NFATC1: variants seen among roughly 807,000 people sequenced by gnomAD.
The protein encoded by NFATC1 is nuclear factor of activated T-cells, cytoplasmic 1.
Under a neutral mutation model 76.0 loss-of-function variants are expected in NFATC1, and 22 were observed. That is an observed-to-expected ratio of 0.29 (90% CI 0.21 to 0.41). The LOEUF is 0.41. NFATC1 is among the 10% of genes least tolerant of loss of function. The pLI, the probability that NFATC1 is intolerant of heterozygous loss-of-function variation, is 1.00. For missense variants in NFATC1, 1,357 were observed against 1,337.7 expected, an observed-to-expected ratio of 1.01 and a Z score of -0.23; for synonymous variants, 704 against 613.1, an observed-to-expected ratio of 1.15 and a Z score of -2.19.
intron 3 of NFATC1, among the ~76,000 whole-genome samples, chr18:79,438,694 T>A (rs1324930808): frequency 6.6e-6 from 1 of 152,126 alleles, no homozygotes; most frequent in Non-Finnish European, 1.5e-5. Context: ...TGGTCTGGGA[T>A]CCTGCCTCAG....
At chr18:79,509,974 C>T (rs531599008) in intron 9 of NFATC1, among the ~76,000 whole-genome samples, 3 of 152,374 alleles carry the variant, frequency 2.0e-5, no homozygotes, top group African/African-American at 4.8e-5. Flanking sequence ...CATAAAGCCT[C>T]GTTGATCTTT....
chr18:79,458,355 T>C (rs546878595), intron 6 of NFATC1, among the ~76,000 whole-genome samples: 15 of 149,520 alleles, frequency 1.0e-4, no homozygotes, highest in South Asian at 8.5e-4. Context: ...GGAGACGCCG[T>C]GGGGAGCAGG....
In NFATC1 at chr18:79,486,257, T is replaced by A; in HGVS notation, c.2102T>A (p.Ile701Lys). 6.3e-7 allele frequency: 1 copy of A among 1,597,484 alleles called. No individual in the cohort carries two copies. Among genetic ancestry groups the A allele is most frequent in the Non-Finnish European group, 8.6e-7 (1 of 1,169,166 alleles). ...FTYLPANVPI[I>K]KTEPTDDYEP... ...TTTTTCCTTCTCACAGTTCCAATTA[T>A]AAAAACAGAACCCACTGATGATTAT... Residue 701 changes from isoleucine (I) to lysine (K), a missense_variant, in exon 9 of 10, where the codon ATA becomes AAA. By Grantham distance (102) the Ile-to-Lys change is moderately radical. This residue lies in a region of NFATC1 where 424 missense variants were observed against 395.4 expected (regional missense o/e 1.07). Coordinates refer to ENST00000427363, the MANE Select transcript of NFATC1 (RefSeq NM_001278669.2).
At position 79,451,734 on chromosome 18, in the gene NFATC1, G is replaced by A. The variant is rs752901617; in HGVS notation, c.1821G>A (p.Pro607=). The change falls in exon 6 of 10, where the codon CCG becomes CCA. Residue 607 remains proline (P), a synonymous_variant. Coordinates refer to ENST00000427363, the MANE Select transcript of NFATC1 (RefSeq NM_001278669.2). ...LVEKQSTDSY[P]VVGGKKMVLS... ...AGAAGCAGAGCACGGACAGCTATCC[G>A]GTCGTGGGCGGGAAGAAGATGGTCC... 27 of 1,613,064 alleles carry A rather than the reference G, an allele frequency of 1.7e-5. No individual in the cohort carries two copies. Among genetic ancestry groups the A allele is most frequent in the East Asian group, 4.5e-5 (2 of 44,800 alleles).
chr18:79,528,129 C>T lies in NFATC1; in HGVS notation c.*552C>T, dbSNP rs1020485310. ...ATTTGGAACGTTTCCTGGGCTGTCA[C>T]GTACACTCCTGCTGCCTTACACAGT... is the stretch of plus-strand genomic sequence containing the variant. On this transcript the variant is annotated 3_prime_UTR_variant, in exon 10 of 10. Transcript: ENST00000427363. 6 of 396,940 alleles carry T rather than the reference C, an allele frequency of 1.5e-5. No individual in the cohort carries two copies. Among genetic ancestry groups the T allele is most frequent in the Admixed American group, 8.7e-5 (2 of 23,098 alleles). 24.6% of individuals were successfully genotyped at this position (396,940 alleles called of 1,614,324 possible).
In NFATC1 at chr18:79,411,345, T is replaced by C; in HGVS notation, c.1070T>C (p.Leu357Pro). 1 of 1,596,042 alleles carries C rather than the reference T, an allele frequency of 6.3e-7. No homozygotes were observed. The highest frequency in any genetic ancestry group is 8.5e-7 in the Non-Finnish European group (1 of 1,173,144). ...AAGGTGGAGCCCGTCGGGGAGGACC[T>C]GGGCAGCCCCCCGCCCCCGGCCGAC... ...ALKVEPVGED[L>P]GSPPPPADFA... The change falls in exon 2 of 10, where the codon CTG becomes CCG. Residue 357 changes from leucine (L) to proline (P), a missense_variant. Physicochemically the swap from Leu to Pro is moderately conservative, Grantham distance 98. This residue lies in a region of NFATC1 where 691 missense variants were observed against 613.1 expected (regional missense o/e 1.13). Coordinates refer to ENST00000427363, the MANE Select transcript of NFATC1 (RefSeq NM_001278669.2).
At chr18:79,397,354 G>A (rs992608532) in intron 1 of NFATC1, among the ~76,000 whole-genome samples, 1 of 152,234 alleles carries the variant, frequency 6.6e-6, no homozygotes, top group African/African-American at 2.4e-5. Context: ...TACTTCATAA[G>A]GGCAGACGTC....
intron 3 of NFATC1, among the ~76,000 whole-genome samples, chr18:79,446,301 C>G (rs946092625): frequency 6.6e-6 from 1 of 152,302 alleles, no homozygotes. Context: ...GCATTCCACA[C>G]ACCATCAGAG....
In NFATC1 at chr18:79,448,778, C is replaced by A; in HGVS notation, c.1387-4C>A. 6.2e-7 allele frequency: 1 copy of A among 1,612,706 alleles called. No individual in the cohort carries two copies. The highest frequency in any genetic ancestry group is 8.5e-7 in the Non-Finnish European group (1 of 1,179,350). On this transcript the variant is annotated splice_polypyrimidine_tract_variant and splice_region_variant and intron_variant, in intron 3 of 9. Transcript: ENST00000427363. ...TGAGCAGGTGTTTTCTGTTCTCTCGCCAGCTGCATGGCTACTTGGAGAATG... is the reference window on the plus strand; with the variant it reads ...TGAGCAGGTGTTTTCTGTTCTCTCGACAGCTGCATGGCTACTTGGAGAATG...
intron 1 of NFATC1, among the ~76,000 whole-genome samples, chr18:79,403,073 T>C (rs1225790385): frequency 6.6e-6 from 1 of 152,248 alleles, no homozygotes; most frequent in African/African-American, 2.4e-5. Context: ...GAAGGGGCTG[T>C]ACGTCCTGGC....
chr18:79,481,530 C>T (rs114760400), intron 8 of NFATC1, among the ~76,000 whole-genome samples: 202 of 152,370 alleles, frequency 1.3e-3, no homozygotes, highest in African/African-American at 4.6e-3. Flanking sequence ...CATCTGTGAA[C>T]CCTCAGCTGA....
intron 8 of NFATC1, among the ~76,000 whole-genome samples, chr18:79,485,903 A>T (rs1259857923): frequency 6.6e-6 from 1 of 152,248 alleles, no homozygotes; most frequent in Non-Finnish European, 1.5e-5. Context: ...TCGGGAGCAG[A>T]AATGCAGTCG....
At position 79,524,924 on chromosome 18, in the gene NFATC1, C is replaced by T. The variant is rs1348463487; in HGVS notation, c.2783-2604C>T. 6.6e-6 allele frequency among the ~76,000 whole-genome samples: 1 copy of T among 151,990 alleles called. No individual in the cohort carries two copies. Among genetic ancestry groups the T allele is most frequent in the Non-Finnish European group, 1.5e-5 (1 of 67,966 alleles). On this transcript the variant is annotated intron_variant, in intron 9 of 9. Transcript: ENST00000427363. The surrounding 1 kb of genome is among the most constrained non-coding windows in gnomAD (Gnocchi z 7.2). ...GCGGCCATGCAGGCGGCCTGTCCCACGAACACGATGGAGACCTCAGACGCC... is the reference window on the plus strand; with the variant it reads ...GCGGCCATGCAGGCGGCCTGTCCCATGAACACGATGGAGACCTCAGACGCC...
chr18:79,513,483 A>C (rs1460663303), intron 9 of NFATC1, among the ~76,000 whole-genome samples: 1 of 152,200 alleles, frequency 6.6e-6, no homozygotes, highest in Non-Finnish European at 1.5e-5. Flanking sequence ...CCTCAAACAA[A>C]ATGTCACTTT....
At chr18:79,442,363 G>A (rs2087013204) in intron 3 of NFATC1, among the ~76,000 whole-genome samples, 1 of 152,232 alleles carries the variant, frequency 6.6e-6, no homozygotes, top group African/African-American at 2.4e-5. Flanking sequence ...CTTCGTGCAG[G>A]TGACAGCGCA....
Position 79,465,447 on chromosome 18 carries a change from G to A in NFATC1, c.1960-2003G>A, listed in dbSNP as rs1442757535. On this transcript the variant is annotated intron_variant, in intron 7 of 9. Coordinates refer to ENST00000427363, the MANE Select transcript of NFATC1 (RefSeq NM_001278669.2). This position sits in a 1 kb window ranked among gnomAD's most constrained non-coding sequence, Gnocchi z 4.2. Reference sequence around the variant, plus strand: ...CACCCAGTCTGGCCCACAAGGTCCCGCCTCCGCCCAGCCAGCCTGGCCCAC... The same window carrying A: ...CACCCAGTCTGGCCCACAAGGTCCCACCTCCGCCCAGCCAGCCTGGCCCAC... 1.4e-5 allele frequency among the ~76,000 whole-genome samples: 2 copies of A among 146,664 alleles called. No individual in the cohort carries two copies. Among genetic ancestry groups the A allele is most frequent in the Admixed American group, 6.7e-5 (1 of 14,856 alleles).
intron 9 of NFATC1, among the ~76,000 whole-genome samples, chr18:79,514,862 A>G (rs1454107236): frequency 6.6e-6 from 1 of 152,068 alleles, no homozygotes; most frequent in East Asian, 1.9e-4. Context: ...CCTGGGCAAC[A>G]TAGCAAGACC....
chr18:79,413,127 G>T (rs1368914326), intron 2 of NFATC1, among the ~76,000 whole-genome samples: 2 of 152,190 alleles, frequency 1.3e-5, no homozygotes, highest in African/African-American at 4.8e-5. Context: ...TGGTCTCCAG[G>T]CTTACGGACG....
At chr18:79,430,808 T>C (rs2086564663) in intron 2 of NFATC1, among the ~76,000 whole-genome samples, 1 of 152,176 alleles carries the variant, frequency 6.6e-6, no homozygotes, top group African/African-American at 2.4e-5. Context: ...CAGGAGCAGG[T>C]GTGGCCACTG....
Sources: allele counts gnomAD v4.1 joint callset (sites outside exome capture counted in the v4.1 genomes callset), GRCh38; gene constraint gnomAD v4.1.1; regional missense constraint gnomAD v4.1.1; non-coding constraint Gnocchi (gnomAD v3.1); transcripts MANE v1.5; gene names NCBI Gene and HGNC (gene_info 2026-07-23, HGNC 2026-07-21).